The following BNC1 variants were observed in gnomAD, a reference collection of about 807,000 sequenced individuals.
The protein encoded by BNC1 is basonuclin zinc finger protein 1, also known as zinc finger protein basonuclin-1.
Under a neutral mutation model 66.5 loss-of-function variants are expected in BNC1, and 8 were observed. The ratio of observed to expected loss-of-function variants is 0.12; its 90% CI spans 0.07 to 0.22. BNC1 has a LOEUF of 0.22. Among genes scored for constraint, BNC1 ranks in the 10% least tolerant of loss-of-function variants. The pLI is 1.00. For synonymous variants in BNC1, 454 were observed against 452.6 expected, an observed-to-expected ratio of 1.00 and a Z score of -0.04; for missense variants, 1,069 against 1,241.3, an observed-to-expected ratio of 0.86 and a Z score of 2.09.
At chr15:83,278,057 C>A (rs1406799819) in intron 1 of BNC1, among the ~76,000 whole-genome samples, 1 of 152,052 alleles carries the variant, frequency 6.6e-6, no homozygotes, top group African/African-American at 2.4e-5. Context: ...TAGTATCACC[C>A]TTTGCCAAAT....
chr15:83,284,564 TGCCGGCGCGTCTCCCGGGCCCGGGCC>T lies in BNC1; in HGVS notation c.39_64del (p.Arg15ProfsTer19). 1 of 1,093,722 alleles carries T rather than the reference TGCCGGCGCGTCTCCCGGGCCCGGGCC, an allele frequency of 9.1e-7. No homozygotes were observed. Among genetic ancestry groups the T allele is most frequent in the Non-Finnish European group, 1.1e-6 (1 of 900,798 alleles). The allele number at this position is 1,093,722 out of a possible 1,614,324, so 67.8% of individuals were successfully genotyped here. The stretch of plus-strand genomic sequence containing the variant: ...CCTGCGACCGCTGCGGTGCCGGGGC[TGCCGGCGCGTCTCCCGGGCCCGGGCC>T]GCCCCGCGTCCGCCCCGGCTCGGCG... On this transcript the variant is annotated frameshift_variant, in exon 1 of 5. Coordinates refer to ENST00000345382, the MANE Select transcript of BNC1 (RefSeq NM_001717.4). LOFTEE classifies it high-confidence loss of function.
At chr15:83,280,525 G>A (rs937496328) in intron 1 of BNC1, among the ~76,000 whole-genome samples, 3 of 152,150 alleles carry the variant, frequency 2.0e-5, no homozygotes, top group African/African-American at 7.2e-5. Flanking sequence ...GGGACTCATT[G>A]AGAACTAGGT....
chr15:83,283,382 C>A, intron 1 of BNC1: 2 of 1,356,818 alleles, frequency 1.5e-6, no homozygotes, highest in East Asian at 2.9e-5. Context: ...GCGGGAGACC[C>A]CGCAGCGGCC....
Position 83,263,927 on chromosome 15 carries a change from C to A in BNC1, c.1324G>T (p.Gly442Cys). Residue 442 changes from glycine (G) to cysteine (C), a missense_variant, in exon 4 of 5, where the codon GGT (glycine) becomes TGT (cysteine). Coordinates refer to ENST00000345382, the MANE Select transcript of BNC1 (RefSeq NM_001717.4). ...CAGTCTGGGGACGTCACTGTGAAACCTGGGCACTTGTAGTTCTCAGAGCTG... is the reference window on the plus strand; with the variant it reads ...CAGTCTGGGGACGTCACTGTGAAACATGGGCACTTGTAGTTCTCAGAGCTG... The part of the protein sequence containing the change: ...LASSENYKCP[G>C]FTVTSPDCRP... The A allele has an allele frequency of 6.2e-7, 1 of 1,614,216 alleles. No individual in the cohort carries two copies. The highest frequency in any genetic ancestry group is 8.5e-7 in the Non-Finnish European group (1 of 1,180,042).
intron 1 of BNC1, chr15:83,283,582 C>T (rs919335420): frequency 2.2e-6 from 2 of 906,394 alleles, no homozygotes; most frequent in Non-Finnish European, 2.6e-6. Flanking sequence ...CATGCAAACC[C>T]CTGAAGGAAG....
intron 1 of BNC1, among the ~76,000 whole-genome samples, chr15:83,269,303 T>C (rs2151437451): frequency 1.3e-5 from 2 of 152,322 alleles, no homozygotes; most frequent in Middle Eastern, 6.8e-3. Flanking sequence ...GGAGATACAG[T>C]ACTGAAGAAT....
intron 4 of BNC1, among the ~76,000 whole-genome samples, chr15:83,259,971 T>C (rs1229539798): frequency 6.6e-6 from 1 of 152,142 alleles, no homozygotes; most frequent in Non-Finnish European, 1.5e-5. Flanking sequence ...CTACAACCTC[T>C]ACCTCTCCCC....
chr15:83,263,465 C>T lies in BNC1; in HGVS notation c.1786G>A (p.Gly596Arg). The change falls in exon 4 of 5, where the codon GGA becomes AGA. Residue 596 changes from glycine (G) to arginine (R), a missense_variant. Transcript: ENST00000345382. Reference protein sequence around the residue: ...RVSEEQHVQSGGLGKPFPEGE... With the variant: ...RVSEEQHVQSRGLGKPFPEGE... ...TCAGGGAAAGGCTTCCCTAAGCCTCCTGACTGTACATGCTGCTCCTCAGAT... is the reference window on the plus strand; with the variant it reads ...TCAGGGAAAGGCTTCCCTAAGCCTCTTGACTGTACATGCTGCTCCTCAGAT... 1 of 1,614,240 alleles carries T rather than the reference C, an allele frequency of 6.2e-7. No individual in the cohort carries two copies.
intron 1 of BNC1, among the ~76,000 whole-genome samples, chr15:83,279,996 T>C (rs995557380): frequency 6.6e-6 from 1 of 152,358 alleles, no homozygotes; most frequent in East Asian, 1.9e-4. Flanking sequence ...TAGTGTTCTC[T>C]AGCTGCTTAG....
chr15:83,275,365 G>A (rs182405444), intron 1 of BNC1, among the ~76,000 whole-genome samples: 163 of 152,094 alleles, frequency 1.1e-3, no homozygotes, highest in African/African-American at 3.9e-3. Context: ...GCGTGGTGGC[G>A]CATGCCTGTA....
At chr15:83,258,195 G>A in intron 4 of BNC1, 69 bp from the exon 5 acceptor site, 2 of 1,474,632 alleles carry the variant, frequency 1.4e-6, no homozygotes, top group East Asian at 2.3e-5. Context: ...TCTGAGTGGA[G>A]AGACTTGGTA....
intron 1 of BNC1, among the ~76,000 whole-genome samples, chr15:83,274,068 G>T (rs2038294915): frequency 6.6e-6 from 1 of 152,170 alleles, no homozygotes; most frequent in Non-Finnish European, 1.5e-5. Flanking sequence ...GCCCTTTGAA[G>T]GGAGTCATTT....
chr15:83,263,733 C>A lies in BNC1; in HGVS notation c.1518G>T (p.Gly506=). The change falls in exon 4 of 5, where the codon GGG becomes GGT. Residue 506 remains glycine (G), a synonymous_variant. Transcript: ENST00000345382. ...ACAACAGCGGGAGGGAAGGGAGTAT[C>A]CCAGGCGTGTTTGCTACCTCGGCAG... is the stretch of plus-strand genomic sequence containing the variant. ...ATPAEVANTP[G]ILPSLPLLSS... 6.2e-7 allele frequency: 1 copy of A among 1,614,196 alleles called. No homozygotes were observed. Among genetic ancestry groups the A allele is most frequent in the Admixed American group, 1.7e-5 (1 of 60,022 alleles).
chr15:83,274,448 G>T (rs775665161), intron 1 of BNC1, among the ~76,000 whole-genome samples: 1 of 152,160 alleles, frequency 6.6e-6, no homozygotes, highest in South Asian at 2.1e-4. Context: ...CATTTCAGGT[G>T]CATAGTAGCA....
intron 1 of BNC1, 129 bp from the exon 2 acceptor site, chr15:83,268,361 G>A: frequency 1.3e-6 from 1 of 794,794 alleles, no homozygotes; most frequent in Non-Finnish European, 2.1e-6. Flanking sequence ...CTGTGTGCCA[G>A]GCCCAGAAGT....
chr15:83,277,601 G>A (rs1385663636), intron 1 of BNC1, among the ~76,000 whole-genome samples: 3 of 152,142 alleles, frequency 2.0e-5, no homozygotes, highest in African/African-American at 2.4e-5. Context: ...GAGCCACCGC[G>A]CCTGGCCAGT....
Position 83,262,974 on chromosome 15 carries a change from A to C in BNC1, c.2277T>G (p.Phe759Leu), listed in dbSNP as rs2038161270. The change falls in exon 4 of 5, where the codon TTT becomes TTG. Residue 759 changes from phenylalanine to leucine, a missense_variant. This residue lies in a region of BNC1 where 657 missense variants were observed against 715.8 expected (regional missense o/e 0.92). Coordinates refer to ENST00000345382, the MANE Select transcript of BNC1 (RefSeq NM_001717.4). ...ACCTGTCTCTGCTCCTGCGGGAGGGAAAGGTAGCATTACAGCCCTCCACTG... is the reference window on the plus strand; with the variant it reads ...ACCTGTCTCTGCTCCTGCGGGAGGGCAAGGTAGCATTACAGCCCTCCACTG... Reference protein sequence around the residue: ...TCTVEGCNATFPSRRSRDRHS... With the variant: ...TCTVEGCNATLPSRRSRDRHS... 6.2e-7 allele frequency: 1 copy of C among 1,610,020 alleles called. No homozygotes were observed.
rs374792998 is a variant in BNC1, at chr15:83,263,676, G to A, written c.1575C>T (p.Asn525=). The A allele has an allele frequency of 5.3e-5, 85 of 1,614,074 alleles. No homozygotes were observed. The highest frequency in any genetic ancestry group is 2.0e-4 in the East Asian group (9 of 44,892). The part of the protein sequence containing the change: ...SSSIPEQLIS[N]EMPFDALPKK... ...TGGGAAGGGCATCAAATGGCATTTC[G>A]TTTGAAATGAGCTGTTCTGGGATTG... Residue 525 remains asparagine (N), a synonymous_variant, in exon 4 of 5, where the codon AAC becomes AAT. Coordinates refer to ENST00000345382, the MANE Select transcript of BNC1 (RefSeq NM_001717.4).
chr15:83,263,408 T>C lies in BNC1; in HGVS notation c.1843A>G (p.Ile615Val). ...TGGCTGATGGCTCCACTGGACTCAA[T>C]TACTGATTCACGATGGCAGGGCCTC... ...GERPCHRESV[I>V]ESSGAISQTP... Residue 615 changes from isoleucine (I) to valine (V), a missense_variant, in exon 4 of 5, where the codon ATT becomes GTT. By Grantham distance (29) the Ile-to-Val change is conservative. Coordinates refer to ENST00000345382, the MANE Select transcript of BNC1 (RefSeq NM_001717.4). 1.2e-6 allele frequency: 2 copies of C among 1,614,188 alleles called. No individual in the cohort carries two copies. Among genetic ancestry groups the C allele is most frequent in the Non-Finnish European group, 1.7e-6 (2 of 1,180,038 alleles).
Sources: allele counts gnomAD v4.1 joint callset (sites outside exome capture counted in the v4.1 genomes callset), GRCh38; gene constraint gnomAD v4.1.1; regional missense constraint gnomAD v4.1.1; transcripts MANE v1.5; gene names NCBI Gene and HGNC (gene_info 2026-07-23, HGNC 2026-07-21).